The following ADGRL2 variants were observed in gnomAD, a reference collection of about 807,000 sequenced individuals.
ADGRL2 encodes adhesion G protein-coupled receptor L2, also known as calcium-independent alpha-latrotoxin receptor 2.
Under a neutral mutation model 157.4 loss-of-function variants are expected in ADGRL2, and 44 were observed. That is an observed-to-expected ratio of 0.28 (90% CI 0.22 to 0.36). The LOEUF is 0.36. Among genes scored for constraint, ADGRL2 ranks in the 10% least tolerant of loss-of-function variants. The probability of loss-of-function intolerance (pLI) is 1.00; values close to 1 mark genes in which losing one functional copy is unlikely to be tolerated. For missense variants in ADGRL2, 1,510 were observed against 1,768.9 expected, an observed-to-expected ratio of 0.85 and a Z score of 2.63; for synonymous variants, 585 against 624.7, an observed-to-expected ratio of 0.94 and a Z score of 0.95.
intron 3 of ADGRL2, among the ~76,000 whole-genome samples, chr1:81,641,959 G>A (rs187205477): frequency 1.4e-4 from 21 of 151,888 alleles, no homozygotes; most frequent in African/African-American, 5.1e-4. Flanking sequence ...GAAATAAAGA[G>A]AGAAGACACA....
rs573953243 is a variant in ADGRL2 at position 81,674,527 on chromosome 1, G to T, written c.-142-87284G>T. On this transcript the variant is annotated intron_variant, in intron 3 of 24. Transcript: ENST00000370721. ...ACCATTTGTTGCTGTTTTTATTTGC[G>T]CCCAAGCAAAAGGGGACACCAAATT... Among the ~76,000 whole-genome samples, 34 of 152,112 alleles carry T rather than the reference G, an allele frequency of 2.2e-4. 1 individual carries two copies. Among genetic ancestry groups the T allele is most frequent in the South Asian group, 4.1e-4 (2 of 4,826 alleles).
At chr1:81,398,694 C>T (rs2076699272) in intron 1 of ADGRL2, among the ~76,000 whole-genome samples, 1 of 152,098 alleles carries the variant, frequency 6.6e-6, no homozygotes, top group African/African-American at 2.4e-5. Flanking sequence ...CTTTCCTTTT[C>T]TTCTTCTTTC....
intron 1 of ADGRL2, among the ~76,000 whole-genome samples, chr1:81,729,442 A>C (rs553099977): frequency 1.3e-5 from 2 of 152,278 alleles, no homozygotes; most frequent in Non-Finnish European, 2.9e-5. Context: ...GACTTTGCAA[A>C]ATTAAATAAA....
At chr1:81,881,662 G>T (rs2093991953) in intron 2 of ADGRL2, among the ~76,000 whole-genome samples, 1 of 150,396 alleles carries the variant, frequency 6.6e-6, no homozygotes, top group South Asian at 2.1e-4. Flanking sequence ...GTATTTTACA[G>T]CTCCAGTTCT....
chr1:81,416,595 C>A (rs2077038682), intron 1 of ADGRL2, among the ~76,000 whole-genome samples: 1 of 152,120 alleles, frequency 6.6e-6, no homozygotes, highest in African/African-American at 2.4e-5. Flanking sequence ...ATTTTGCATC[C>A]AAATGGTATT....
upstream of ADGRL2, among the ~76,000 whole-genome samples, chr1:81,696,312 C>T (rs1454492353): frequency 2.0e-5 from 3 of 151,884 alleles, no homozygotes; most frequent in Admixed American, 6.6e-5. Flanking sequence ...TAACTCCCAT[C>T]GCAAGAAGTG....
chr1:81,628,000 T>C (rs1022325544), intron 3 of ADGRL2, among the ~76,000 whole-genome samples: 1 of 152,184 alleles, frequency 6.6e-6, no homozygotes, highest in African/African-American at 2.4e-5. Flanking sequence ...CTAACAATCA[T>C]ATTCATTACA....
intron 3 of ADGRL2, among the ~76,000 whole-genome samples, chr1:81,615,168 A>G (rs2148684194): frequency 6.6e-6 from 1 of 152,286 alleles, no homozygotes; most frequent in East Asian, 1.9e-4. Context: ...TGTCTAGCTA[A>G]AGGATTGTAA....
At chr1:81,756,922 C>G (rs1329081679) in intron 1 of ADGRL2, among the ~76,000 whole-genome samples, 1 of 152,144 alleles carries the variant, frequency 6.6e-6, no homozygotes, top group East Asian at 1.9e-4. Context: ...AATGCAGCCA[C>G]CCTTTCCTCC....
chr1:81,962,526 T>A (rs1655752275), intron 11 of ADGRL2, among the ~76,000 whole-genome samples: 1 of 152,186 alleles, frequency 6.6e-6, no homozygotes, highest in Non-Finnish European at 1.5e-5. Flanking sequence ...GTTGGTACTC[T>A]TGGTATCTTG....
intron 2 of ADGRL2, among the ~76,000 whole-genome samples, chr1:81,469,065 A>G (rs185671068): frequency 7.9e-5 from 12 of 152,298 alleles, no homozygotes; most frequent in Admixed American, 5.9e-4. Flanking sequence ...TTTCCCTCCA[A>G]AAATTTAAAG....
intron 1 of ADGRL2, among the ~76,000 whole-genome samples, chr1:81,802,618 C>G (rs116381879): frequency 0.021 from 3,194 of 152,232 alleles, 53 homozygotes; most frequent in Middle Eastern, 0.034. Context: ...CCCGTCCTTT[C>G]ACTGGGGGCC....
At chr1:81,419,687 A>G (rs577488827) in intron 1 of ADGRL2, among the ~76,000 whole-genome samples, 146 of 152,322 alleles carry the variant, frequency 9.6e-4, no homozygotes, top group African/African-American at 3.3e-3. Context: ...CTTTTGTACT[A>G]TGGACAATGC....
chr1:81,981,524 AGTCATAGGG>A (rs1416782605), intron 18 of ADGRL2, among the ~76,000 whole-genome samples: 1 of 151,948 alleles, frequency 6.6e-6, no homozygotes, highest in African/African-American at 2.4e-5. Context: ...TAAAAGACAA[AGTCATAGGG>A]GATATGTTAC....
intron 1 of ADGRL2, among the ~76,000 whole-genome samples, chr1:81,737,855 T>A (rs1427223334): frequency 7.2e-5 from 11 of 152,192 alleles, no homozygotes; most frequent in African/African-American, 2.2e-4. Flanking sequence ...TCTTTTTAAT[T>A]TATAGTTGCT....
chr1:81,355,369 A>G (rs1413912615), intron 1 of ADGRL2, among the ~76,000 whole-genome samples: 1 of 152,144 alleles, frequency 6.6e-6, no homozygotes, highest in African/African-American at 2.4e-5. Flanking sequence ...AAAAAAAGAG[A>G]AAAAGAAAGA....
At chr1:81,336,491 T>A (rs12130955) in intron 1 of ADGRL2, among the ~76,000 whole-genome samples, 35,466 of 152,092 alleles carry the variant, frequency 0.23, 4,522 homozygotes, top group Middle Eastern at 0.36. Flanking sequence ...GAGTTAGGAC[T>A]GTTTCTTAAT....
chr1:81,626,650 G>A (rs746362344), intron 3 of ADGRL2, among the ~76,000 whole-genome samples: 1 of 152,216 alleles, frequency 6.6e-6, no homozygotes, highest in Admixed American at 6.5e-5. Flanking sequence ...ACACACGCGG[G>A]CAGTTTAGCT....
At chr1:81,753,297 C>T (rs1264327636) in intron 1 of ADGRL2, among the ~76,000 whole-genome samples, 1 of 152,186 alleles carries the variant, frequency 6.6e-6, no homozygotes, top group Non-Finnish European at 1.5e-5. Context: ...CAAGAGAGAG[C>T]TTGTGCAGAG....
Sources: gnomAD v4.1 joint callset for allele counts (sites outside exome capture counted in the v4.1 genomes callset) on GRCh38, gnomAD v4.1.1 for gene constraint, MANE v1.5 for transcripts, NCBI Gene and HGNC (gene_info 2026-07-23, HGNC 2026-07-21) for gene names.